The following ZFYVE16 variants were observed in gnomAD, a reference collection of about 807,000 sequenced individuals.
ZFYVE16 encodes zinc finger FYVE-type containing 16.
A neutral mutation model predicts 138.1 loss-of-function variants in ZFYVE16; 89 were observed. That is an observed-to-expected ratio of 0.64 (90% confidence interval 0.54 to 0.77). The LOEUF is 0.77. ZFYVE16 is among the 30% of genes least tolerant of loss of function. ZFYVE16 has a pLI of 0.00. For synonymous variants in ZFYVE16, 596 were observed against 618.3 expected, an observed-to-expected ratio of 0.96 and a Z score of 0.53; for missense variants, 1,793 against 1,786.7, an observed-to-expected ratio of 1.00 and a Z score of -0.06.
rs1456024239 is a variant in ZFYVE16, at chr5:80,445,368, C to T, written c.2687C>T (p.Ser896Phe). 3.1e-6 allele frequency: 5 copies of T among 1,613,822 alleles called. No homozygotes were observed. Among genetic ancestry groups the T allele is most frequent in the Non-Finnish European group, 3.4e-6 (4 of 1,179,914 alleles). The change falls in exon 7 of 19, where the codon TCT becomes TTT. Residue 896 changes from serine to phenylalanine, a missense_variant. Ser to Phe is a radical substitution (Grantham distance 155). Transcript: ENST00000505560. The stretch of plus-strand genomic sequence containing the variant: ...TTATCATCTGGAAGTAAAAGATGTT[C>T]TGAAGACTTTAGTCCTCTCTCACCT... ...TKLSSGSKRC[S>F]EDFSPLSPDV...
At chr5:80,436,400 T>A (rs962839302) in intron 3 of ZFYVE16, among the ~76,000 whole-genome samples, 2 of 152,192 alleles carry the variant, frequency 1.3e-5, no homozygotes, top group Non-Finnish European at 2.9e-5. Flanking sequence ...GATCAAGATC[T>A]AAGGACATTC....
chr5:80,446,616 T>C (rs1333132858), intron 7 of ZFYVE16, among the ~76,000 whole-genome samples: 3 of 152,178 alleles, frequency 2.0e-5, no homozygotes, highest in Admixed American at 6.5e-5. Flanking sequence ...CCTGAAAGTG[T>C]CTTGGGGACC....
At chr5:80,445,530 T>C in intron 7 of ZFYVE16, 125 bp downstream of exon 7, 1 of 813,646 alleles carries the variant, frequency 1.2e-6, no homozygotes, top group Non-Finnish European at 1.9e-6. Flanking sequence ...ATAAGAGATG[T>C]ATTGATATAG....
intron 1 of ZFYVE16, chr5:80,409,916 T>C (rs1745174253): frequency 6.6e-6 from 1 of 152,206 alleles, no homozygotes; most frequent in Non-Finnish European, 1.5e-5. Context: ...TGTTTTCTGG[T>C]GTATGCGTGC....
chr5:80,478,226 A>G lies in ZFYVE16; in HGVS notation c.*849A>G, dbSNP rs1755084884. On this transcript the variant is annotated 3_prime_UTR_variant, in exon 19 of 19. Transcript: ENST00000505560. ...TATTTACCACTTCTAAGAGTGACTG[A>G]CGACGGGCCAGATGACCCTTGAAGT... The G allele has an allele frequency of 6.6e-6, 1 of 152,004 alleles. No homozygotes were observed. Among genetic ancestry groups the G allele is most frequent in the Non-Finnish European group, 1.5e-5 (1 of 67,938 alleles). The allele number at this position is 152,004 out of a possible 1,614,324, so 9.4% of individuals were successfully genotyped here.
intron 18 of ZFYVE16, among the ~76,000 whole-genome samples, chr5:80,475,604 T>C (rs1754825571): frequency 6.6e-6 from 1 of 152,234 alleles, no homozygotes; most frequent in African/African-American, 2.4e-5. Context: ...GTCCTCCTTT[T>C]TCATCTTCCC....
intron 11 of ZFYVE16, 62 bp downstream of exon 11, chr5:80,451,771 C>A: frequency 6.9e-7 from 1 of 1,439,452 alleles, no homozygotes; most frequent in Admixed American, 2.1e-5. Flanking sequence ...TAAAGACTTT[C>A]AGGGAATCAT....
chr5:80,456,069 G>A, intron 12 of ZFYVE16: 1 of 324,444 alleles, frequency 3.1e-6, no homozygotes, highest in South Asian at 4.7e-5. Context: ...ACCTCTTAAA[G>A]TTGTTGAAAC....
At chr5:80,462,778 T>C (rs1026150534) in intron 15 of ZFYVE16, among the ~76,000 whole-genome samples, 2 of 152,222 alleles carry the variant, frequency 1.3e-5, no homozygotes, top group African/African-American at 2.4e-5. Flanking sequence ...ACTTCCTAGA[T>C]ACATTTGGGG....
chr5:80,454,165 G>C (rs1409012863), intron 11 of ZFYVE16: 1 of 152,114 alleles, frequency 6.6e-6, no homozygotes, highest in Admixed American at 6.5e-5. Flanking sequence ...GTACTAGCAA[G>C]AAAATGACTA....
In ZFYVE16 at chr5:80,474,765, C is replaced by G. The variant is rs775403366; in HGVS notation, c.4396C>G (p.Leu1466Val). The change falls in exon 18 of 19, where the codon CTG (leucine) becomes GTG (valine). Residue 1466 changes from leucine to valine, a missense_variant. Physicochemically the swap from Leu to Val is conservative, Grantham distance 32 (BLOSUM62 1). Coordinates refer to ENST00000505560, the MANE Select transcript of ZFYVE16 (RefSeq NM_001284236.3). ...MACSAALCPH[L>V]KTLKSNGMNK... ...TTGTAGTGCTGCGCTGTGCCCTCAC[C>G]TGAAAACTCTAAAAAGTAATGGGAT... is the stretch of plus-strand genomic sequence containing the variant. 2.0e-5 allele frequency: 33 copies of G among 1,613,764 alleles called. 1 individual carries two copies. In the East Asian group the frequency reaches 7.1e-4, roughly 35 times the overall value.
rs1561294799 is a variant in ZFYVE16 at position 80,447,289 on chromosome 5, A to AAG, written c.2725-731_2725-730dup. Among the ~76,000 whole-genome samples the AAG allele has an allele frequency of 2.2e-3, 308 of 142,526 alleles. 3 individuals are homozygous for AAG. The highest frequency in any genetic ancestry group is 5.9e-3 in the African/African-American group (224 of 37,768). The allele number at this position is 142,526 out of a possible 152,430, so 93.5% of individuals were successfully genotyped here. On this transcript the variant is annotated intron_variant, in intron 7 of 18. Coordinates refer to ENST00000505560, the MANE Select transcript of ZFYVE16 (RefSeq NM_001284236.3). Reference sequence around the variant, plus strand: ...CTCAAAAAAAAAAAAAAAAAAAAAAAAGAGAGAAAAGATGAATATTTATCA... The same window carrying AAG: ...CTCAAAAAAAAAAAAAAAAAAAAAAAAGAGAGAGAAAAGATGAATATTTATCA...
At chr5:80,415,443 A>T (rs1467269824) in intron 1 of ZFYVE16, among the ~76,000 whole-genome samples, 1 of 152,164 alleles carries the variant, frequency 6.6e-6, no homozygotes, top group Non-Finnish European at 1.5e-5. Context: ...TACATTGAGT[A>T]GTCCTGTCTC....
In ZFYVE16 at chr5:80,477,498, T is replaced by C; in HGVS notation, c.*121T>C. On this transcript the variant is annotated 3_prime_UTR_variant, in exon 19 of 19. Coordinates refer to ENST00000505560, the MANE Select transcript of ZFYVE16 (RefSeq NM_001284236.3). ...TGTCTGATTTTTGAAACACATAAGC[T>C]TTGCTCTTTAGGCAGGAATGATCTT... 1 of 909,786 alleles carries C rather than the reference T, an allele frequency of 1.1e-6. No homozygotes were observed. Among genetic ancestry groups the C allele is most frequent in the Non-Finnish European group, 1.5e-6 (1 of 654,920 alleles). 56.4% of individuals were successfully genotyped at this position (909,786 alleles called of 1,614,324 possible).
In ZFYVE16 at chr5:80,481,739, C is replaced by T. The variant is rs150759958; in HGVS notation, c.*4362C>T. Reference sequence around the variant, plus strand: ...GAACTTGTGAAACCTAAGCAACTCTCTAGGGAAAAGACAATGAACAAGAGC... The same window carrying T: ...GAACTTGTGAAACCTAAGCAACTCTTTAGGGAAAAGACAATGAACAAGAGC... On this transcript the variant is annotated 3_prime_UTR_variant, in exon 19 of 19. Transcript: ENST00000505560. Among the ~76,000 whole-genome samples, 620 of 152,244 alleles carry T rather than the reference C, an allele frequency of 4.1e-3. 2 individuals are homozygous for T. Among genetic ancestry groups the T allele is most frequent in the African/African-American group, 0.014 (594 of 41,544 alleles).
intron 1 of ZFYVE16, among the ~76,000 whole-genome samples, chr5:80,426,242 CTGTG>C (rs869080902): frequency 5.8e-4 from 73 of 125,332 alleles, no homozygotes; most frequent in African/African-American, 1.9e-3. Flanking sequence ...GTGTGTGTGT[CTGTG>C]TGTGTGTGTG....
chr5:80,408,595 G>C (rs1754083271), intron 1 of ZFYVE16, among the ~76,000 whole-genome samples: 1 of 152,232 alleles, frequency 6.6e-6, no homozygotes, highest in South Asian at 2.1e-4. Context: ...GAGTCTCATC[G>C]CCGCCGGTGC....
At position 80,438,605 on chromosome 5, in the gene ZFYVE16, C is replaced by T; in HGVS notation, c.1920C>T (p.Asn640=). The T allele has an allele frequency of 6.2e-7, 1 of 1,614,122 alleles. No homozygotes were observed. The highest frequency in any genetic ancestry group is 8.5e-7 in the Non-Finnish European group (1 of 1,179,986). The change falls in exon 4 of 19, where the codon AAC becomes AAT. Residue 640 remains asparagine (N), a synonymous_variant. Transcript: ENST00000505560. ...ATCAATTATCGGTCTCTGATATTAA[C>T]AGTCAATCTGTTGGAGGGGCCAGAC... is the stretch of plus-strand genomic sequence containing the variant. ...ITNQLSVSDI[N]SQSVGGARPK...
rs535198933 is a variant in ZFYVE16, at chr5:80,456,893, A to G, written c.3796-52A>G. 33 of 1,548,434 alleles carry G rather than the reference A, an allele frequency of 2.1e-5. No individual in the cohort carries two copies. In the African/African-American group the frequency reaches 3.7e-4, roughly 18 times the overall value. ...GAAACGTGGCTCTTAGAATAGGCAT[A>G]TAATATTAAAAGTGTTTCTAAATAA... On this transcript the variant is annotated intron_variant, in intron 13 of 18. Transcript: ENST00000505560.
Sources: gnomAD v4.1 joint callset for allele counts (sites outside exome capture counted in the v4.1 genomes callset) on GRCh38, gnomAD v4.1.1 for gene constraint, MANE v1.5 for transcripts, NCBI Gene and HGNC (gene_info 2026-07-23, HGNC 2026-07-21) for gene names.